The following FNBP4 variants were observed in gnomAD, a reference collection of about 807,000 sequenced individuals.
The protein encoded by FNBP4 is formin-binding protein 4.
A neutral mutation model predicts 119.3 loss-of-function variants in FNBP4; 34 were observed. The ratio of observed to expected loss-of-function variants is 0.28; its 90% CI spans 0.22 to 0.38. The LOEUF is 0.38. Among genes scored for constraint, FNBP4 ranks in the 10% least tolerant of loss-of-function variants. FNBP4 has a pLI of 1.00. For synonymous variants in FNBP4, 462 were observed against 430.6 expected (o/e 1.07, Z -0.90); for missense variants, 1,112 against 1,228.9 (o/e 0.90, Z 1.42).
chr11:47,754,269 T>G (rs1339600672), intron 3 of FNBP4, among the ~76,000 whole-genome samples: 1 of 150,514 alleles, frequency 6.6e-6, no homozygotes, highest in Non-Finnish European at 1.5e-5. Context: ...ATCCCAGCAC[T>G]TTGGAAGGCC....
At chr11:47,729,692 A>C (rs2097565269) in intron 12 of FNBP4, 2 of 985,050 alleles carry the variant, frequency 2.0e-6, no homozygotes, top group Non-Finnish European at 2.4e-6. Flanking sequence ...TTTTTAAAAC[A>C]ATTTTCTGAA....
At position 47,750,993 on chromosome 11, in the gene FNBP4, T is replaced by C. The variant is rs2305985; in HGVS notation, c.829A>G (p.Ile277Val). The change falls in exon 6 of 17, where the codon ATA becomes GTA. Residue 277 changes from isoleucine to valine, a missense_variant. Physicochemically the swap from Ile to Val is conservative, Grantham distance 29 (BLOSUM62 3). Coordinates refer to ENST00000263773, the MANE Select transcript of FNBP4 (RefSeq NM_015308.5). ...GAAATCGTTTTCTCCTTAGAATATA[T>C]GTCTGTATTTACCACAAAACTAGTT... Reference protein sequence around the residue: ...AETSFVVNTDIYSKEKTISVS... With the variant: ...AETSFVVNTDVYSKEKTISVS... The C allele has an allele frequency of 2.4e-3, 3,849 of 1,614,080 alleles. 79 individuals carry two copies. In the Admixed American group the frequency reaches 0.038, roughly 16 times the overall value.
chr11:47,761,812 C>G (rs2097635339), intron 2 of FNBP4, among the ~76,000 whole-genome samples: 1 of 151,672 alleles, frequency 6.6e-6, no homozygotes, highest in African/African-American at 2.4e-5. Context: ...GACCTATAAG[C>G]AGGTACTAAA....
intron 12 of FNBP4, chr11:47,729,871 T>C (rs1425049937): frequency 1.0e-6 from 1 of 985,372 alleles, no homozygotes; most frequent in African/African-American, 1.7e-5. Flanking sequence ...CGATCAAGTT[T>C]ATCCTGCAAT....
intron 12 of FNBP4, chr11:47,726,595 GA>G (rs1467091343): frequency 6.6e-6 from 1 of 151,676 alleles, no homozygotes; most frequent in Non-Finnish European, 1.5e-5. Flanking sequence ...AAAGGACATT[GA>G]AAAAAATTCA....
At chr11:47,734,247 TC>T in intron 9 of FNBP4, 118 bp from the exon 10 acceptor site, 1 of 505,706 alleles carries the variant, frequency 2.0e-6, no homozygotes, top group South Asian at 3.9e-5. Context: ...TAAACAGCCT[TC>T]CCCAAACAGC....
chr11:47,753,821 T>C (rs2097609672), intron 3 of FNBP4, among the ~76,000 whole-genome samples: 1 of 151,926 alleles, frequency 6.6e-6, no homozygotes, highest in Admixed American at 6.6e-5. Flanking sequence ...TTCTAGATAC[T>C]CATTCTAAGC....
Position 47,752,956 on chromosome 11 carries a change from T to A in FNBP4, c.597A>T (p.Thr199=), listed in dbSNP as rs765947690. The part of the protein sequence containing the change: ...STSNGTDSTQ[T]SGWQYDTQCS... ...ACTGAGTATCATATTGCCAACCAGATGTTTGGGTGGAGTCTGTTCCATTTG... is the reference window on the plus strand; with the variant it reads ...ACTGAGTATCATATTGCCAACCAGAAGTTTGGGTGGAGTCTGTTCCATTTG... Residue 199 remains threonine, a synonymous_variant, in exon 4 of 17, where the codon ACA becomes ACT. Transcript: ENST00000263773. The A allele has an allele frequency of 2.5e-6, 4 of 1,613,812 alleles. No individual in the cohort carries two copies. In the Admixed American group the frequency reaches 5.0e-5, roughly 20 times the overall value.
At chr11:47,761,122 C>G (rs892448531) in intron 2 of FNBP4, among the ~76,000 whole-genome samples, 1 of 151,998 alleles carries the variant, frequency 6.6e-6, no homozygotes, top group African/African-American at 2.4e-5. Context: ...TATAGAATCA[C>G]ATGAAATATT....
At position 47,752,961 on chromosome 11, in the gene FNBP4, G is replaced by C. The variant is rs2097607254; in HGVS notation, c.592C>G (p.Gln198Glu). 1 of 1,613,900 alleles carries C rather than the reference G, an allele frequency of 6.2e-7. No homozygotes were observed. The highest frequency in any genetic ancestry group is 1.3e-5 in the African/African-American group (1 of 74,912). ...SSTSNGTDST[Q>E]TSGWQYDTQC... Reference sequence around the variant, plus strand: ...GTATCATATTGCCAACCAGATGTTTGGGTGGAGTCTGTTCCATTTGAAGTA... The same window carrying C: ...GTATCATATTGCCAACCAGATGTTTCGGTGGAGTCTGTTCCATTTGAAGTA... Residue 198 changes from glutamine (Q) to glutamate (E), a missense_variant, in exon 4 of 17, where the codon CAA becomes GAA. Coordinates refer to ENST00000263773, the MANE Select transcript of FNBP4 (RefSeq NM_015308.5).
chr11:47,749,151 G>C (rs543064353), intron 6 of FNBP4, among the ~76,000 whole-genome samples: 1 of 152,200 alleles, frequency 6.6e-6, no homozygotes, highest in South Asian at 2.1e-4. Flanking sequence ...GTGCACACCT[G>C]TAGTCCCAGC....
At chr11:47,746,715 G>A (rs1009171210) in intron 6 of FNBP4, among the ~76,000 whole-genome samples, 12 of 152,026 alleles carry the variant, frequency 7.9e-5, no homozygotes, top group East Asian at 5.8e-4. Context: ...CTTTCACCAC[G>A]TTGGCCAGGC....
intron 2 of FNBP4, among the ~76,000 whole-genome samples, chr11:47,761,140 G>A (rs1204706146): frequency 1.3e-5 from 2 of 151,766 alleles, no homozygotes; most frequent in Non-Finnish European, 1.5e-5. Context: ...ATTACTAAAG[G>A]GATTAAAAGT....
At chr11:47,724,436 A>T (rs1338526969) in intron 13 of FNBP4, 32 bp downstream of exon 13, 1 of 1,613,816 alleles carries the variant, frequency 6.2e-7, no homozygotes, top group African/African-American at 1.3e-5. Flanking sequence ...CAGTCCTCAA[A>T]ATCACTCAGA....
chr11:47,718,337 C>T (rs2135055897), intron 16 of FNBP4, among the ~76,000 whole-genome samples: 1 of 152,220 alleles, frequency 6.6e-6, no homozygotes, highest in African/African-American at 2.4e-5. Context: ...CCTCAGCCTC[C>T]CAAGTGGCTT....
intron 12 of FNBP4, among the ~76,000 whole-genome samples, chr11:47,730,660 T>C (rs544806130): frequency 2.0e-5 from 3 of 152,234 alleles, no homozygotes; most frequent in Non-Finnish European, 4.4e-5. Context: ...GTTTAACAAA[T>C]AGCTACCAAT....
chr11:47,756,573 C>T (rs11039370), intron 2 of FNBP4, among the ~76,000 whole-genome samples: 13,939 of 152,022 alleles, frequency 0.092, 857 homozygotes, highest in Non-Finnish European at 0.14. Flanking sequence ...ACTTTAAGTT[C>T]TAAGGTACAT....
chr11:47,736,319 G>A (rs1174027556), intron 9 of FNBP4, among the ~76,000 whole-genome samples: 2 of 151,774 alleles, frequency 1.3e-5, no homozygotes, highest in African/African-American at 4.8e-5. Context: ...CACTTTGGGA[G>A]GCCAAGGTGG....
rs3842251 is a variant in FNBP4, at chr11:47,765,374, AAAAAGAAAAG to A, written c.221-22_221-13del. 6.1e-3 allele frequency: 6,285 copies of A among 1,033,546 alleles called. 37 individuals carry two copies. The highest frequency in any genetic ancestry group is 0.016 in the Middle Eastern group (70 of 4,438). The allele number at this position is 1,033,546 out of a possible 1,614,324, so 64.0% of individuals were successfully genotyped here. A position where few individuals can be genotyped will look rare whatever the true frequency, so the allele number is the denominator to read the frequency against. The stretch of plus-strand genomic sequence containing the variant: ...CGCTTCCTGTTCATCTGGATTAAAA[AAAAAGAAAAG>A]AAAAGAAAAGAAAAGAAAAGAAAAG... On this transcript the variant is annotated splice_polypyrimidine_tract_variant and intron_variant, in intron 1 of 16. Transcript: ENST00000263773.
Sources: gnomAD v4.1 joint callset for allele counts (sites outside exome capture counted in the v4.1 genomes callset) on GRCh38, gnomAD v4.1.1 for gene constraint, MANE v1.5 for transcripts, NCBI Gene and HGNC (gene_info 2026-07-23, HGNC 2026-07-21) for gene names.